Variants in TMEM216 observed in about 807,000 individuals in gnomAD.
TMEM216 encodes cerebello-oculo-renal syndrome 2.
TMEM216 carries 15 observed loss-of-function variants against 17.8 expected under a neutral mutation model. The ratio of observed to expected loss-of-function variants is 0.84; its 90% CI spans 0.56 to 1.30. TMEM216 has a LOEUF of 1.30. Among genes scored for constraint, TMEM216 ranks in the 50% most tolerant of loss-of-function variants. The probability of loss-of-function intolerance (pLI) is 0.00; values close to 1 mark genes in which losing one functional copy is unlikely to be tolerated. For synonymous variants in TMEM216, 58 were observed against 73.5 expected (o/e 0.79, Z 1.08); for missense variants, 160 against 175.7 (o/e 0.91, Z 0.51).
chr11:61,395,505 C>T (rs1316846034), intron 3 of TMEM216, among the ~76,000 whole-genome samples: 2 of 151,516 alleles, frequency 1.3e-5, no homozygotes, highest in East Asian at 1.9e-4. Flanking sequence ...TTTGGGAGGC[C>T]GAGGTGGGTG....
intron 3 of TMEM216, among the ~76,000 whole-genome samples, chr11:61,394,817 C>T (rs1028840798): frequency 6.6e-6 from 1 of 151,268 alleles, no homozygotes; most frequent in Non-Finnish European, 1.5e-5. Context: ...CAGGCGCCTG[C>T]CACCATGCCC....
intron 1 of TMEM216, among the ~76,000 whole-genome samples, 153 bp from the exon 2 acceptor site, chr11:61,393,078 C>T (rs543451676): frequency 6.6e-6 from 1 of 152,118 alleles, no homozygotes; most frequent in African/African-American, 2.4e-5. Context: ...CCCCCGTACC[C>T]TCGCCCCCTC....
chr11:61,393,344 T>C lies in TMEM216; in HGVS notation c.136+12T>C, dbSNP rs1858721893. 1 of 1,515,836 alleles carries C rather than the reference T, an allele frequency of 6.6e-7. No individual in the cohort carries two copies. The highest frequency in any genetic ancestry group is 2.0e-5 in the Admixed American group (1 of 50,922). 93.9% of individuals were successfully genotyped at this position (1,515,836 alleles called of 1,614,324 possible). On this transcript the variant is annotated intron_variant, in intron 2 of 4. Transcript: ENST00000515837. ...ATTTCTGTATAAAGGTAAGGAAGGC[T>C]TGGGGCTTGACGACAGCATCCCTTC...
intron 2 of TMEM216, among the ~76,000 whole-genome samples, chr11:61,393,601 C>T (rs947139168): frequency 6.6e-6 from 1 of 152,222 alleles, no homozygotes; most frequent in Non-Finnish European, 1.5e-5. Context: ...TGTAAGCCCA[C>T]TGGTGACCCT....
At chr11:61,394,315 A>G (rs2135191808) in intron 3 of TMEM216, 1 of 243,480 alleles carries the variant, frequency 4.1e-6, no homozygotes, top group East Asian at 1.0e-4. Context: ...TGTATCCTGT[A>G]CAGATCAGTA....
At chr11:61,396,485 T>TA (rs141584031) in intron 3 of TMEM216, among the ~76,000 whole-genome samples, 8 of 147,752 alleles carry the variant, frequency 5.4e-5, no homozygotes, top group South Asian at 2.2e-4. Context: ...CTCAAAAAAT[T>TA]AAAAAAAATT....
intron 2 of TMEM216, 148 bp downstream of exon 2, chr11:61,393,480 C>T (rs970113900): frequency 4.9e-6 from 3 of 615,754 alleles, no homozygotes; most frequent in African/African-American, 3.7e-5. Flanking sequence ...CAGATGGCTT[C>T]TTTGAGTATG....
Position 61,393,233 on chromosome 11 carries a change from A to G in TMEM216, c.37A>G (p.Lys13Glu), listed in dbSNP as rs376314259. The G allele has an allele frequency of 6.5e-7, 1 of 1,535,232 alleles. No individual in the cohort carries two copies. The highest frequency in any genetic ancestry group is 1.2e-5 in the South Asian group (1 of 84,008). ...ACTTCTCTGTGCTCCTTTTTCAGGT[A>G]AACGGTTGTCCTCCACCCCGCTGGA... ...PRGLKMAPRG[K>E]RLSSTPLEIL... is the part of the protein sequence containing the mutation. The change falls in exon 2 of 5, where the codon AAA (lysine) becomes GAA (glutamate). Residue 13 changes from lysine to glutamate, a missense_variant and splice_region_variant. Coordinates refer to ENST00000515837, the MANE Select transcript of TMEM216 (RefSeq NM_001173990.3).
At chr11:61,395,744 T>C (rs990956129) in intron 3 of TMEM216, among the ~76,000 whole-genome samples, 1 of 146,176 alleles carries the variant, frequency 6.8e-6, no homozygotes, top group Non-Finnish European at 1.5e-5. Context: ...AAAAAAAAAA[T>C]TGGTAAGGGA....
intron 3 of TMEM216, among the ~76,000 whole-genome samples, chr11:61,397,260 G>A (rs945218071): frequency 9.9e-5 from 15 of 151,210 alleles, no homozygotes; most frequent in African/African-American, 2.4e-4. Context: ...TCCACCTTCC[G>A]GGTTCACACC....
chr11:61,396,962 G>A, intron 3 of TMEM216, among the ~76,000 whole-genome samples: 1 of 151,608 alleles, frequency 6.6e-6, no homozygotes, highest in Admixed American at 6.6e-5. Context: ...GTAGCTATGT[G>A]TGTGGAAAAA....
At chr11:61,393,840 T>C (rs1211923661) in intron 2 of TMEM216, 44 bp from the exon 3 acceptor site, 2 of 1,496,880 alleles carry the variant, frequency 1.3e-6, no homozygotes, top group Admixed American at 3.5e-5. Flanking sequence ...TTCTTGTGGG[T>C]GCTGTTATAT....
In TMEM216 at chr11:61,398,442, G is replaced by A; in HGVS notation, c.*166G>A. 1.5e-6 allele frequency: 1 copy of A among 674,602 alleles called. No homozygotes were observed. The allele number at this position is 674,602 out of a possible 1,614,324, so 41.8% of individuals were successfully genotyped here. On this transcript the variant is annotated 3_prime_UTR_variant, in exon 5 of 5. Transcript: ENST00000515837. ...CAAGCAACTCAGCATAAGGCCAGTG[G>A]GTACCATCTTCTAAACCAGGACCAT...
intron 3 of TMEM216, among the ~76,000 whole-genome samples, chr11:61,397,312 G>A (rs1049405734): frequency 6.6e-5 from 10 of 151,736 alleles, no homozygotes; most frequent in East Asian, 5.8e-4. Context: ...GACTACAGGC[G>A]CCCGCCACCA....
chr11:61,392,798 G>A, intron 1 of TMEM216, 133 bp downstream of exon 1: 1 of 1,519,198 alleles, frequency 6.6e-7, no homozygotes, highest in Non-Finnish European at 8.8e-7. Flanking sequence ...GTCCAAAGCC[G>A]GCTTCCGCGG....
intron 2 of TMEM216, 26 bp downstream of exon 2, chr11:61,393,358 C>G (rs1185998193): frequency 6.9e-7 from 1 of 1,453,830 alleles, no homozygotes; most frequent in African/African-American, 1.4e-5. Context: ...GGCTTGACGA[C>G]AGCATCCCTT....
intron 2 of TMEM216, 58 bp downstream of exon 2, chr11:61,393,390 A>C (rs955708363): frequency 8.3e-7 from 1 of 1,208,430 alleles, no homozygotes; most frequent in Non-Finnish European, 1.2e-6. Context: ...CTCAGAGCCA[A>C]TTCCTACCAA....
chr11:61,392,760 C>T (rs1858702755), intron 1 of TMEM216, 95 bp downstream of exon 1: 1 of 1,533,786 alleles, frequency 6.5e-7, no homozygotes, highest in Non-Finnish European at 8.7e-7. Context: ...CCTCCATTCT[C>T]TAGCGTTAGG....
At position 61,398,694 on chromosome 11, in the gene TMEM216, C is replaced by T. The variant is rs1215642186; in HGVS notation, c.*418C>T. On this transcript the variant is annotated 3_prime_UTR_variant, in exon 5 of 5. Coordinates refer to ENST00000515837, the MANE Select transcript of TMEM216 (RefSeq NM_001173990.3). ...CCTGTCCCACATGAGCACGGAGAGC[C>T]TCATGTTGGTGGGTTTCCAGAGTGA... 1 of 176,718 alleles carries T rather than the reference C, an allele frequency of 5.7e-6. No homozygotes were observed. Among genetic ancestry groups the T allele is most frequent in the African/African-American group, 2.4e-5 (1 of 42,524 alleles). 10.9% of individuals were successfully genotyped at this position (176,718 alleles called of 1,614,324 possible).
Sources: allele counts gnomAD v4.1 joint callset (sites outside exome capture counted in the v4.1 genomes callset), GRCh38; gene constraint gnomAD v4.1.1; transcripts MANE v1.5; gene names NCBI Gene and HGNC (gene_info 2026-07-23, HGNC 2026-07-21).